The following EPS15 variants were observed in gnomAD, a reference collection of about 807,000 sequenced individuals.
EPS15 encodes epidermal growth factor receptor pathway substrate 15, also known as epidermal growth factor receptor substrate 15.
In EPS15, 72 loss-of-function variants were observed where a neutral mutation model predicts 113.8. That is an observed-to-expected ratio of 0.63 (90% CI 0.52 to 0.77). EPS15 has a LOEUF of 0.77. Ranked by LOEUF, EPS15 falls within the 30% of genes least tolerant of loss-of-function variation. The pLI is 0.00. For missense variants in EPS15, 1,048 were observed against 1,045.8 expected (o/e 1.00, Z -0.03); for synonymous variants, 344 against 363.4 (o/e 0.95, Z 0.61).
chr1:51,373,060 G>T, intron 21 of EPS15: 1 of 209,944 alleles, frequency 4.8e-6, no homozygotes. Context: ...ACATTCCATA[G>T]TTGCCCTACA....
At chr1:51,409,429 T>C in intron 14 of EPS15, 106 bp downstream of exon 14, 1 of 1,070,136 alleles carries the variant, frequency 9.3e-7, no homozygotes. Flanking sequence ...CTGACTGGAT[T>C]GCCAACCACC....
At chr1:51,498,381 A>C (rs1297846941) in intron 1 of EPS15, among the ~76,000 whole-genome samples, 1 of 152,238 alleles carries the variant, frequency 6.6e-6, no homozygotes, top group East Asian at 1.9e-4. Context: ...CAACAGTACA[A>C]AAGCAGTAAG....
chr1:51,446,923 C>A, intron 10 of EPS15, 37 bp downstream of exon 10: 2 of 1,521,254 alleles, frequency 1.3e-6, no homozygotes, highest in Non-Finnish European at 1.8e-6. Flanking sequence ...TGATACAAAA[C>A]CATATTTTTA....
At chr1:51,371,632 C>T (rs1455501175) in intron 21 of EPS15, among the ~76,000 whole-genome samples, 1 of 151,686 alleles carries the variant, frequency 6.6e-6, no homozygotes, top group Non-Finnish European at 1.5e-5. Flanking sequence ...TCAAAAAGTT[C>T]AAAAATTTTT....
At chr1:51,401,508 A>T (rs1648548350) in intron 18 of EPS15, among the ~76,000 whole-genome samples, 1 of 152,238 alleles carries the variant, frequency 6.6e-6, no homozygotes, top group Non-Finnish European at 1.5e-5. Context: ...CTGTAACAGC[A>T]AAACTATAAA....
intron 21 of EPS15, among the ~76,000 whole-genome samples, chr1:51,383,861 C>A (rs1336559960): frequency 6.6e-5 from 10 of 152,114 alleles, no homozygotes; most frequent in Non-Finnish European, 1.2e-4. Flanking sequence ...CACCAAAAAA[C>A]AATTAGAACT....
intron 24 of EPS15, among the ~76,000 whole-genome samples, chr1:51,357,390 AAATATATATATATATATATATATAT>A (rs1486946757): frequency 5.3e-5 from 3 of 56,202 alleles, no homozygotes; most frequent in African/African-American, 2.9e-4. Flanking sequence ...AAAAAAAAAA[AAATATATATATATATATATATATAT>A]ATATATATAT....
intron 12 of EPS15, among the ~76,000 whole-genome samples, chr1:51,432,841 C>T (rs999294338): frequency 1.2e-4 from 19 of 152,022 alleles, no homozygotes; most frequent in African/African-American, 4.3e-4. Context: ...AAATGCACAC[C>T]GCAACCTAGA....
chr1:51,456,082 C>G (rs138646567), intron 8 of EPS15, among the ~76,000 whole-genome samples: 3 of 152,126 alleles, frequency 2.0e-5, no homozygotes, highest in African/African-American at 7.2e-5. Flanking sequence ...CACATGGCAA[C>G]AGAAGTTATA....
At chr1:51,498,906 A>G (rs975771568) in intron 1 of EPS15, among the ~76,000 whole-genome samples, 2 of 152,220 alleles carry the variant, frequency 1.3e-5, no homozygotes, top group Non-Finnish European at 2.9e-5. Flanking sequence ...AAGGGGTGAT[A>G]AAGTCATAAG....
At chr1:51,492,715 C>CAA (rs199664210) in intron 1 of EPS15, among the ~76,000 whole-genome samples, 2 of 151,794 alleles carry the variant, frequency 1.3e-5, no homozygotes, top group African/African-American at 4.9e-5. Flanking sequence ...AACAAACAAA[C>CAA]AAACAAAAAA....
intron 12 of EPS15, among the ~76,000 whole-genome samples, chr1:51,428,826 CAAAAAAAAAA>C (rs902706524): frequency 3.2e-4 from 17 of 53,856 alleles, no homozygotes; most frequent in South Asian, 8.2e-4. Flanking sequence ...GACTCCATCT[CAAAAAAAAAA>C]AAAAAAAAAA....
intron 2 of EPS15, among the ~76,000 whole-genome samples, chr1:51,473,326 T>C (rs1225079261): frequency 6.6e-6 from 1 of 152,208 alleles, no homozygotes; most frequent in East Asian, 1.9e-4. Context: ...TTCTGACAAA[T>C]GGGAATAGTT....
At chr1:51,458,827 A>C in intron 8 of EPS15, 1 of 184,670 alleles carries the variant, frequency 5.4e-6, no homozygotes, top group Non-Finnish European at 1.2e-5. Flanking sequence ...TACCACAAAA[A>C]CCATTTATGA....
intron 21 of EPS15, among the ~76,000 whole-genome samples, chr1:51,382,617 C>T (rs1646967786): frequency 6.6e-6 from 1 of 152,056 alleles, no homozygotes; most frequent in African/African-American, 2.4e-5. Flanking sequence ...TGGGGTTTCA[C>T]CATGTTGGCC....
chr1:51,461,079 T>C lies in EPS15; in HGVS notation c.561+12A>G. 1 of 1,541,900 alleles carries C rather than the reference T, an allele frequency of 6.5e-7. No individual in the cohort carries two copies. The highest frequency in any genetic ancestry group is 1.7e-5 in the Admixed American group (1 of 59,784). The stretch of plus-strand genomic sequence containing the variant: ...AAGATAATGAAGATGTTAAGAACAT[T>C]AGATTACTTACAACTGCAAACTCAT... On this transcript the variant is annotated intron_variant, in intron 8 of 24. Transcript: ENST00000371733.
chr1:51,408,081 C>T, intron 15 of EPS15, 54 bp downstream of exon 15: 1 of 1,478,272 alleles, frequency 6.8e-7, no homozygotes, highest in Non-Finnish European at 9.5e-7. Flanking sequence ...GTATAACTGA[C>T]TAAAGGACAC....
intron 1 of EPS15, among the ~76,000 whole-genome samples, chr1:51,486,465 T>C (rs1190644280): frequency 1.3e-5 from 2 of 151,136 alleles, no homozygotes; most frequent in African/African-American, 4.9e-5. Flanking sequence ...AGGCCTACAA[T>C]TTTGCAACAC....
intron 1 of EPS15, among the ~76,000 whole-genome samples, chr1:51,511,182 A>G (rs767892812): frequency 4.0e-5 from 6 of 150,494 alleles, no homozygotes; most frequent in Admixed American, 2.0e-4. Flanking sequence ...ATAATAATAA[A>G]TAAATAAGTA....
Sources: gnomAD v4.1 joint callset for allele counts (sites outside exome capture counted in the v4.1 genomes callset) on GRCh38, gnomAD v4.1.1 for gene constraint, MANE v1.5 for transcripts, NCBI Gene and HGNC (gene_info 2026-07-23, HGNC 2026-07-21) for gene names.